The following STPG2 variants were observed in gnomAD, a reference collection of about 807,000 sequenced individuals.
STPG2 encodes sperm tail PG-rich repeat containing 2, also known as sperm-tail PG-rich repeat-containing protein 2.
STPG2 carries 56 observed loss-of-function variants against 54.2 expected under a neutral mutation model. The ratio of observed to expected loss-of-function variants is 1.03; its 90% CI spans 0.83 to 1.29. The LOEUF is 1.29. Ranked by LOEUF, STPG2 falls within the 50% of genes most tolerant of loss-of-function variation. The pLI is 0.00. For synonymous variants in STPG2, 200 were observed against 181.8 expected (o/e 1.10, Z -0.81); for missense variants, 596 against 544.9 (o/e 1.09, Z -0.93).
intron 6 of STPG2, among the ~76,000 whole-genome samples, chr4:97,973,347 T>C (rs1463259172): frequency 6.6e-6 from 1 of 152,184 alleles, no homozygotes; most frequent in Non-Finnish European, 1.5e-5. Context: ...ATTTAGGGTA[T>C]CTGGCAGAAG....
chr4:97,754,960 A>G (rs992919945), intron 9 of STPG2, among the ~76,000 whole-genome samples: 2 of 152,168 alleles, frequency 1.3e-5, no homozygotes, highest in Non-Finnish European at 2.9e-5. Context: ...AATTTTGCTG[A>G]CCACAGTTTT....
intron 8 of STPG2, among the ~76,000 whole-genome samples, chr4:97,871,391 G>A (rs1729984556): frequency 6.7e-6 from 1 of 150,240 alleles, no homozygotes; most frequent in Non-Finnish European, 1.5e-5. Context: ...AATCACACCA[G>A]TAGCTAATCT....
chr4:98,132,586 G>T (rs1740028280), intron 2 of STPG2, among the ~76,000 whole-genome samples: 1 of 151,734 alleles, frequency 6.6e-6, no homozygotes, highest in South Asian at 2.1e-4. Context: ...GTAGACTATG[G>T]CCTCCTTTTA....
intron 8 of STPG2, among the ~76,000 whole-genome samples, chr4:97,917,909 A>T (rs1731945759): frequency 6.6e-6 from 1 of 152,018 alleles, no homozygotes; most frequent in African/African-American, 2.4e-5. Flanking sequence ...TACTCATAGG[A>T]AAAAAAAGAG....
intron 4 of STPG2, among the ~76,000 whole-genome samples, chr4:97,500,386 A>C (rs918374005): frequency 6.6e-6 from 1 of 152,098 alleles, no homozygotes; most frequent in African/African-American, 2.4e-5. Context: ...GAAAAAGATC[A>C]GGAGTTTGGC....
intron 8 of STPG2, among the ~76,000 whole-genome samples, chr4:97,933,667 T>C (rs1732635300): frequency 6.6e-6 from 1 of 152,168 alleles, no homozygotes; most frequent in Non-Finnish European, 1.5e-5. Flanking sequence ...AAAGATCAGA[T>C]GGTTGTAGAT....
At chr4:97,650,192 C>T (rs915161161) in intron 10 of STPG2, among the ~76,000 whole-genome samples, 1 of 152,150 alleles carries the variant, frequency 6.6e-6, no homozygotes, top group African/African-American at 2.4e-5. Context: ...AAGCTTTGCT[C>T]ACTTGCCTGC....
intron 4 of STPG2, among the ~76,000 whole-genome samples, chr4:97,509,878 G>T (rs974414647): frequency 2.0e-5 from 3 of 152,000 alleles, no homozygotes; most frequent in Non-Finnish European, 4.4e-5. Flanking sequence ...TAAGAACATT[G>T]AAACCTTATC....
chr4:97,844,623 G>A (rs1728894697), intron 8 of STPG2, among the ~76,000 whole-genome samples: 1 of 151,896 alleles, frequency 6.6e-6, no homozygotes, highest in Admixed American at 6.6e-5. Flanking sequence ...TCACTAGTTT[G>A]ACTATAATGT....
intron 4 of STPG2, among the ~76,000 whole-genome samples, chr4:97,492,299 G>A (rs1037570877): frequency 1.3e-5 from 2 of 151,314 alleles, no homozygotes; most frequent in Non-Finnish European, 3.0e-5. Flanking sequence ...AAAATTCAAT[G>A]AGCCTCTTGC....
At chr4:97,816,254 C>T (rs1320837260) in intron 9 of STPG2, among the ~76,000 whole-genome samples, 1 of 152,136 alleles carries the variant, frequency 6.6e-6, no homozygotes, top group East Asian at 1.9e-4. Flanking sequence ...TATATATGTG[C>T]CACATTTTCT....
At chr4:98,025,946 A>G in intron 5 of STPG2, 1 of 1,405,640 alleles carries the variant, frequency 7.1e-7, no homozygotes, top group East Asian at 2.3e-5. Context: ...TTCTGAAAGC[A>G]AGGAATTTAT....
intron 3 of STPG2, among the ~76,000 whole-genome samples, chr4:98,114,675 T>C (rs560822413): frequency 4.6e-5 from 7 of 152,008 alleles, no homozygotes; most frequent in Admixed American, 3.3e-4. Flanking sequence ...ACAATTCTAA[T>C]AGTAATCCAG....
intron 9 of STPG2, among the ~76,000 whole-genome samples, chr4:97,767,559 A>G (rs907882595): frequency 6.6e-6 from 1 of 152,190 alleles, no homozygotes; most frequent in Non-Finnish European, 1.5e-5. Context: ...TAAATATTAC[A>G]TAATTTATGT....
chr4:97,811,450 A>T (rs1727738569), intron 9 of STPG2, among the ~76,000 whole-genome samples: 1 of 152,012 alleles, frequency 6.6e-6, no homozygotes, highest in South Asian at 2.1e-4. Flanking sequence ...TTTCTAGTTC[A>T]TTTCTTTTTA....
At chr4:97,935,560 C>T (rs1330605607) in intron 8 of STPG2, among the ~76,000 whole-genome samples, 1 of 152,130 alleles carries the variant, frequency 6.6e-6, no homozygotes, top group African/African-American at 2.4e-5. Context: ...AGCTGCTTTC[C>T]AGAGCTTCTT....
At chr4:97,638,104 C>G (rs1421212319) in intron 10 of STPG2, among the ~76,000 whole-genome samples, 2 of 152,114 alleles carry the variant, frequency 1.3e-5, no homozygotes, top group East Asian at 3.9e-4. Context: ...TACTACAAGG[C>G]TACAGTAACC....
At chr4:97,599,330 G>A (rs962511674) in intron 10 of STPG2, among the ~76,000 whole-genome samples, 2 of 152,326 alleles carry the variant, frequency 1.3e-5, no homozygotes, top group Admixed American at 6.5e-5. Flanking sequence ...GTGGAAAGCA[G>A]TGTTTTGTGA....
chr4:97,666,420 C>G (rs1002073452), intron 10 of STPG2, among the ~76,000 whole-genome samples: 1 of 152,160 alleles, frequency 6.6e-6, no homozygotes, highest in African/African-American at 2.4e-5. Context: ...GGACAAAAAA[C>G]AGACACCTAA....
Sources: gnomAD v4.1 joint callset for allele counts (sites outside exome capture counted in the v4.1 genomes callset) on GRCh38, gnomAD v4.1.1 for gene constraint, MANE v1.5 for transcripts, NCBI Gene and HGNC (gene_info 2026-07-23, HGNC 2026-07-21) for gene names.